Variants in MUC13 observed in about 807,000 individuals in gnomAD.
The protein encoded by MUC13 is mucin-13.
Under a neutral mutation model 48.3 loss-of-function variants are expected in MUC13, and 32 were observed. The observed-to-expected ratio is 0.66, with a 90% CI of 0.50 to 0.89. The LOEUF (loss-of-function observed/expected upper bound fraction) is 0.89, where lower values mean the gene tolerates loss of function less well. MUC13 is among the 40% of genes least tolerant of loss of function. The pLI is 0.00. For synonymous variants in MUC13, 199 were observed against 224.9 expected, an observed-to-expected ratio of 0.88 and a Z score of 1.03; for missense variants, 571 against 622.8, an observed-to-expected ratio of 0.92 and a Z score of 0.88.
chr3:124,932,708 C>T (rs1166143036), intron 1 of MUC13, among the ~76,000 whole-genome samples: 2 of 152,134 alleles, frequency 1.3e-5, no homozygotes, highest in Non-Finnish European at 2.9e-5. Context: ...CTCTCAGTCA[C>T]TCTTCAGTAT....
intron 1 of MUC13, among the ~76,000 whole-genome samples, chr3:124,933,371 G>T (rs1334142159): frequency 6.6e-6 from 1 of 152,018 alleles, no homozygotes; most frequent in Non-Finnish European, 1.5e-5. Flanking sequence ...ACTCTTAGAG[G>T]TCAACAAGCG....
intron 1 of MUC13, among the ~76,000 whole-genome samples, chr3:124,930,528 C>G (rs1499962): frequency 0.72 from 109,177 of 152,072 alleles, 39,539 homozygotes; most frequent in Middle Eastern, 0.84. Context: ...CTATAGATAA[C>G]AGAAATATAT....
At chr3:124,926,576 A>G (rs1935691394) in intron 2 of MUC13, among the ~76,000 whole-genome samples, 1 of 152,198 alleles carries the variant, frequency 6.6e-6, no homozygotes, top group South Asian at 2.1e-4. Context: ...GGAAGCTACC[A>G]GAAGTTAAGG....
intron 6 of MUC13, among the ~76,000 whole-genome samples, chr3:124,916,090 C>T (rs1327845536): frequency 3.3e-5 from 5 of 152,072 alleles, no homozygotes; most frequent in African/African-American, 4.8e-5. Context: ...TTTATACCTT[C>T]GTAGAGAGGA....
At position 124,916,310 on chromosome 3, in the gene MUC13, T is replaced by C; in HGVS notation, c.964+7A>G. The stretch of plus-strand genomic sequence containing the variant: ...GTGAACTTTGAATAAAATTATACAA[T>C]ACTTACAATCATAGTTTAGAAAGTT... On this transcript the variant is annotated splice_region_variant and intron_variant, in intron 6 of 11. Coordinates refer to ENST00000616727, the MANE Select transcript of MUC13 (RefSeq NM_033049.4). 2 of 1,604,124 alleles carry C rather than the reference T, an allele frequency of 1.2e-6. No homozygotes were observed. The highest frequency in any genetic ancestry group is 1.1e-5 in the South Asian group (1 of 89,712).
chr3:124,927,785 G>C lies in MUC13; in HGVS notation c.261C>G (p.Pro87=). The change falls in exon 2 of 12, where the codon CCC becomes CCG. Residue 87 remains proline, a synonymous_variant. Transcript: ENST00000616727. ...AGGAACTATGTGTACTAATTATGGG[G>C]GGAGCAGGTGTAGGAATTGTGGAGG... ...HSSSTIPTPA[P]PIISTHSSST... 1 of 1,612,800 alleles carries C rather than the reference G, an allele frequency of 6.2e-7. No individual in the cohort carries two copies. Among genetic ancestry groups the C allele is most frequent in the East Asian group, 2.2e-5 (1 of 44,848 alleles).
rs138278063 is a variant in MUC13 at position 124,912,136 on chromosome 3, G to A, written c.1220C>T (p.Ala407Val). 3.2e-5 allele frequency: 51 copies of A among 1,612,840 alleles called. No individual in the cohort carries two copies. In the Middle Eastern group the frequency reaches 4.9e-4, roughly 16 times the overall value. The change falls in exon 9 of 12, where the codon GCA (alanine) becomes GTA (valine). Residue 407 changes from alanine (A) to valine (V), a missense_variant. Physicochemically the swap from Ala to Val is moderately conservative, Grantham distance 64. Coordinates refer to ENST00000616727, the MANE Select transcript of MUC13 (RefSeq NM_033049.4). ...ACAGTCGAGTCCACTGTAGCCAAAT[G>A]CACACCTGAAATACAGTGAGCAATA... Reference protein sequence around the residue: ...EDANGNCQKCAFGYSGLDCKD... With the variant: ...EDANGNCQKCVFGYSGLDCKD...
chr3:124,913,795 G>A, intron 6 of MUC13, 114 bp from the exon 7 acceptor site: 1 of 1,217,618 alleles, frequency 8.2e-7, no homozygotes, highest in Non-Finnish European at 1.2e-6. Flanking sequence ...TAAGTTTTGG[G>A]GCCAAGTGCA....
At chr3:124,916,541 A>C in intron 5 of MUC13, 61 bp from the exon 6 acceptor site, 2 of 1,513,720 alleles carry the variant, frequency 1.3e-6, no homozygotes, top group Non-Finnish European at 1.8e-6. Flanking sequence ...AAATAATTCT[A>C]ATCTCCCAGA....
intron 6 of MUC13, among the ~76,000 whole-genome samples, chr3:124,914,463 G>C (rs540782532): frequency 2.0e-5 from 3 of 152,174 alleles, no homozygotes; most frequent in Non-Finnish European, 4.4e-5. Flanking sequence ...GAGAGAATAG[G>C]AGTAGGTAGA....
At position 124,922,289 on chromosome 3, in the gene MUC13, C is replaced by T; in HGVS notation, c.652G>A (p.Gly218Arg). The T allele has an allele frequency of 6.2e-7, 1 of 1,613,660 alleles. No homozygotes were observed. The highest frequency in any genetic ancestry group is 8.5e-7 in the Non-Finnish European group (1 of 1,179,858). ...STCKKGKVFP[G>R]KISVTVSETF... ...TCTGATACTGTCACTGAAATCTTCC[C>T]AGGGAATACCTTTCCTGAAAGTTAA... The change falls in exon 4 of 12, where the codon GGG becomes AGG. Residue 218 changes from glycine (G) to arginine (R), a missense_variant. Coordinates refer to ENST00000616727, the MANE Select transcript of MUC13 (RefSeq NM_033049.4).
intron 2 of MUC13, among the ~76,000 whole-genome samples, chr3:124,925,729 T>G (rs1219194205): frequency 1.3e-5 from 2 of 152,220 alleles, no homozygotes; most frequent in Non-Finnish European, 2.9e-5. Flanking sequence ...TACTCCCACT[T>G]CAGCCTCCTG....
chr3:124,915,773 C>A (rs1935502825), intron 6 of MUC13, among the ~76,000 whole-genome samples: 2 of 152,140 alleles, frequency 1.3e-5, no homozygotes, highest in Non-Finnish European at 1.5e-5. Flanking sequence ...GCAGCCTCAA[C>A]CTCCTGGGCT....
chr3:124,913,280 A>G (rs2270780), intron 7 of MUC13, 40 bp from the exon 8 acceptor site: 328,484 of 1,589,148 alleles, frequency 0.21, 34,714 homozygotes, highest in South Asian at 0.23. Context: ...TTCAGAAACA[A>G]TCTCTTTAAC....
At chr3:124,921,079 T>C (rs770194973) in intron 4 of MUC13, among the ~76,000 whole-genome samples, 2 of 152,206 alleles carry the variant, frequency 1.3e-5, no homozygotes, top group African/African-American at 2.4e-5. Context: ...CTAATAGTGA[T>C]ATAATTTCAA....
At chr3:124,916,599 G>A in intron 5 of MUC13, 119 bp from the exon 6 acceptor site, 1 of 1,057,354 alleles carries the variant, frequency 9.5e-7, no homozygotes, top group South Asian at 1.5e-5. Flanking sequence ...CTGTCCCTAT[G>A]ATTCGGACCC....
chr3:124,909,563 G>C (rs867963474), intron 10 of MUC13, among the ~76,000 whole-genome samples: 10 of 151,754 alleles, frequency 6.6e-5, no homozygotes, highest in East Asian at 1.9e-4. Context: ...GAGTGCAGTG[G>C]GGTAATCTTG....
At chr3:124,909,106 A>G (rs1235294218) in intron 10 of MUC13, among the ~76,000 whole-genome samples, 2 of 152,066 alleles carry the variant, frequency 1.3e-5, no homozygotes, top group African/African-American at 4.8e-5. Flanking sequence ...GCGAGCCAAG[A>G]TCATGCCACT....
Position 124,923,663 on chromosome 3 carries a change from GA to G in MUC13, c.515-15del. ...GATTGCTGGGACCTTAGATGGAGTA[GA>G]AAGAGATTAGAAATCCAGAGAAATG... On this transcript the variant is annotated splice_polypyrimidine_tract_variant and intron_variant, in intron 2 of 11. Transcript: ENST00000616727. 6.2e-7 allele frequency: 1 copy of G among 1,601,072 alleles called. No homozygotes were observed. The highest frequency in any genetic ancestry group is 1.3e-5 in the African/African-American group (1 of 74,202).
Sources: gnomAD v4.1 joint callset for allele counts (sites outside exome capture counted in the v4.1 genomes callset) on GRCh38, gnomAD v4.1.1 for gene constraint, MANE v1.5 for transcripts, NCBI Gene and HGNC (gene_info 2026-07-23, HGNC 2026-07-21) for gene names.